The following ADAMTS6 variants were observed in gnomAD, a reference collection of about 807,000 sequenced individuals.
ADAMTS6 encodes the protein ADAM metallopeptidase with thrombospondin type 1 motif 6.
A neutral mutation model predicts 144.3 loss-of-function variants in ADAMTS6; 23 were observed. The observed-to-expected ratio is 0.16, with a 90% CI of 0.11 to 0.23. The LOEUF is 0.23. ADAMTS6 is among the 10% of genes least tolerant of loss of function. The pLI, the probability that ADAMTS6 is intolerant of heterozygous loss-of-function variation, is 1.00. For missense variants in ADAMTS6, 999 were observed against 1,379.6 expected (o/e 0.72, Z 4.37); for synonymous variants, 444 against 457.5 (o/e 0.97, Z 0.38).
At chr5:65,295,682 C>T (rs1742767232) in intron 10 of ADAMTS6, among the ~76,000 whole-genome samples, 1 of 151,972 alleles carries the variant, frequency 6.6e-6, no homozygotes, top group Non-Finnish European at 1.5e-5. Context: ...TAGTTAATAT[C>T]GACAGCAACA....
chr5:65,317,813 C>T (rs1745157277), intron 9 of ADAMTS6, among the ~76,000 whole-genome samples: 1 of 152,110 alleles, frequency 6.6e-6, no homozygotes, highest in Admixed American at 6.5e-5. Context: ...GTGGCTCATG[C>T]CTGTAATCCC....
intron 7 of ADAMTS6, among the ~76,000 whole-genome samples, chr5:65,336,949 C>A (rs1413837727): frequency 6.6e-6 from 1 of 152,048 alleles, no homozygotes; most frequent in East Asian, 1.9e-4. Context: ...ATAGATTTAT[C>A]TTCTTTAGGC....
At chr5:65,434,094 A>T (rs1757199001) in intron 7 of ADAMTS6, among the ~76,000 whole-genome samples, 1 of 152,230 alleles carries the variant, frequency 6.6e-6, no homozygotes, top group Non-Finnish European at 1.5e-5. Context: ...GTACTGACAC[A>T]TGCTACAACA....
At chr5:65,228,289 T>C (rs1329099100) in intron 15 of ADAMTS6, among the ~76,000 whole-genome samples, 1 of 152,190 alleles carries the variant, frequency 6.6e-6, no homozygotes, top group Non-Finnish European at 1.5e-5. Context: ...ATTTTAACAT[T>C]AATTATGTAA....
intron 7 of ADAMTS6, among the ~76,000 whole-genome samples, chr5:65,376,536 A>T (rs1366976977): frequency 1.3e-5 from 2 of 152,176 alleles, no homozygotes; most frequent in Admixed American, 1.3e-4. Flanking sequence ...ACATGCACTT[A>T]AAACAGCTTT....
intron 7 of ADAMTS6, among the ~76,000 whole-genome samples, chr5:65,408,351 A>G (rs1357547275): frequency 6.6e-6 from 1 of 152,194 alleles, no homozygotes; most frequent in East Asian, 1.9e-4. Context: ...TTGCAATCCT[A>G]GTCTCTGATA....
At chr5:65,318,863 A>G (rs1745266706) in intron 9 of ADAMTS6, among the ~76,000 whole-genome samples, 1 of 152,184 alleles carries the variant, frequency 6.6e-6, no homozygotes, top group East Asian at 1.9e-4. Context: ...TTATACATTT[A>G]AAATAACTAA....
intron 7 of ADAMTS6, among the ~76,000 whole-genome samples, chr5:65,372,251 T>C (rs1243338387): frequency 4.0e-5 from 6 of 149,002 alleles, no homozygotes; most frequent in Non-Finnish European, 8.9e-5. Flanking sequence ...AATTCACACA[T>C]AACAATATTA....
intron 11 of ADAMTS6, 129 bp downstream of exon 11, chr5:65,291,200 G>T: frequency 9.3e-7 from 1 of 1,079,608 alleles, no homozygotes; most frequent in Non-Finnish European, 1.3e-6. Flanking sequence ...AAAAACTGCA[G>T]TGTCAAAAGC....
At chr5:65,206,867 CAAAT>C (rs1756140689) in intron 20 of ADAMTS6, among the ~76,000 whole-genome samples, 1 of 140,334 alleles carries the variant, frequency 7.1e-6, no homozygotes. Flanking sequence ...CACACACACA[CAAAT>C]ACACACACAC....
At chr5:65,261,099 A>T (rs1344394870) in intron 13 of ADAMTS6, among the ~76,000 whole-genome samples, 1 of 152,138 alleles carries the variant, frequency 6.6e-6, no homozygotes, top group Non-Finnish European at 1.5e-5. Flanking sequence ...TTTACTCCAG[A>T]CAGGAAGCAA....
chr5:65,452,305 A>G (rs1356370725), intron 5 of ADAMTS6, 89 bp from the exon 6 acceptor site: 1 of 1,158,386 alleles, frequency 8.6e-7, no homozygotes, highest in South Asian at 1.3e-5. Flanking sequence ...ACAATTTTTT[A>G]TAAATTTAGC....
At chr5:65,235,476 A>G (rs764601503) in intron 15 of ADAMTS6, among the ~76,000 whole-genome samples, 18 of 151,080 alleles carry the variant, frequency 1.2e-4, no homozygotes, top group Non-Finnish European at 2.1e-4. Flanking sequence ...GGGTATTGCT[A>G]AAGGAGATTA....
chr5:65,432,972 A>G (rs1397013808), intron 7 of ADAMTS6, among the ~76,000 whole-genome samples: 3 of 152,066 alleles, frequency 2.0e-5, no homozygotes, highest in Non-Finnish European at 4.4e-5. Flanking sequence ...TATATCCTAT[A>G]ATTCTTTACC....
chr5:65,398,824 G>GAA (rs745435302), intron 7 of ADAMTS6, among the ~76,000 whole-genome samples: 1 of 145,450 alleles, frequency 6.9e-6, no homozygotes, highest in South Asian at 2.1e-4. Flanking sequence ...AAGAAAGAAA[G>GAA]AAAGAAAGAA....
At chr5:65,465,322 T>A (rs959882625) in intron 3 of ADAMTS6, among the ~76,000 whole-genome samples, 4 of 152,192 alleles carry the variant, frequency 2.6e-5, no homozygotes, top group Non-Finnish European at 5.9e-5. Context: ...TATGTCCATA[T>A]AATCTATTTT....
intron 22 of ADAMTS6, among the ~76,000 whole-genome samples, chr5:65,179,001 G>A (rs765002463): frequency 2.6e-5 from 4 of 151,676 alleles, no homozygotes; most frequent in East Asian, 1.9e-4. Flanking sequence ...GTACGTGGAC[G>A]GGAGCTTCGC....
At chr5:65,462,601 C>T (rs561342608) in intron 3 of ADAMTS6, among the ~76,000 whole-genome samples, 1 of 152,314 alleles carries the variant, frequency 6.6e-6, no homozygotes, top group South Asian at 2.1e-4. Context: ...GGAGCCTGAA[C>T]TCTTAACCAC....
At chr5:65,316,193 T>G (rs2112861565) in intron 9 of ADAMTS6, among the ~76,000 whole-genome samples, 1 of 152,308 alleles carries the variant, frequency 6.6e-6, no homozygotes, top group South Asian at 2.1e-4. Flanking sequence ...ATTATAGGCA[T>G]GAGCCACCAC....
Sources: gnomAD v4.1 joint callset for allele counts (sites outside exome capture counted in the v4.1 genomes callset) on GRCh38, gnomAD v4.1.1 for gene constraint, MANE v1.5 for transcripts, NCBI Gene and HGNC (gene_info 2026-07-23, HGNC 2026-07-21) for gene names.